Variants in ACTR8 observed in about 807,000 individuals in gnomAD.
ACTR8 encodes actin-related protein 8.
ACTR8 carries 70 observed loss-of-function variants against 84.3 expected under a neutral mutation model. The observed-to-expected ratio is 0.83, with a 90% CI of 0.68 to 1.01. The LOEUF is 1.01. Ranked by LOEUF, ACTR8 falls within the 50% of genes least tolerant of loss-of-function variation. The pLI is 0.00. For synonymous variants in ACTR8, 268 were observed against 275.2 expected, an observed-to-expected ratio of 0.97 and a Z score of 0.26; for missense variants, 672 against 775.4, an observed-to-expected ratio of 0.87 and a Z score of 1.58.
intron 5 of ACTR8, 114 bp downstream of exon 5, chr3:53,877,100 T>C (rs745959407): frequency 4.9e-5 from 51 of 1,044,062 alleles, no homozygotes; most frequent in Non-Finnish European, 6.0e-5. Context: ...ATCCTCACCC[T>C]GAAGGTCAAG....
chr3:53,879,806 A>G (rs1303563395), intron 2 of ACTR8, 133 bp downstream of exon 2: 1 of 935,896 alleles, frequency 1.1e-6, no homozygotes, highest in African/African-American at 1.6e-5. Context: ...CTGATGAAAA[A>G]TTAGTGACAT....
intron 6 of ACTR8, 98 bp from the exon 7 acceptor site, chr3:53,876,178 T>A: frequency 7.0e-7 from 1 of 1,433,344 alleles, no homozygotes; most frequent in Non-Finnish European, 9.5e-7. Flanking sequence ...TAGGGACCTC[T>A]GGGCAGGGCA....
the ACTR8 span, chr3:53,861,721 G>T: frequency 6.6e-6 from 1 of 152,188 alleles, no homozygotes; most frequent in Admixed American, 6.5e-5. Context: ...GATAACAGGA[G>T]AAGCAGCTTC....
At chr3:53,876,821 C>T (rs1699981119) in intron 5 of ACTR8, 108 bp from the exon 6 acceptor site, 2 of 584,734 alleles carry the variant, frequency 3.4e-6, no homozygotes, top group Non-Finnish European at 6.0e-6. Flanking sequence ...GCTACGGTTA[C>T]ACACCCAGAT....
chr3:53,865,495 T>C, downstream of ACTR8: 1 of 544,468 alleles, frequency 1.8e-6, no homozygotes, highest in Non-Finnish European at 3.2e-6. Flanking sequence ...GGAAACTACA[T>C]TTACAACTTC....
chr3:53,860,306 G>A, the ACTR8 span: 4 of 1,188,144 alleles, frequency 3.4e-6, no homozygotes, highest in Non-Finnish European at 3.7e-6. Context: ...GATTCCTCTG[G>A]AGGCAATCAC....
chr3:53,877,207 A>G lies in ACTR8; in HGVS notation c.684+7T>C, dbSNP rs1699988845. The G allele has an allele frequency of 1.9e-6, 3 of 1,588,020 alleles. No individual in the cohort carries two copies. Among genetic ancestry groups the G allele is most frequent in the Admixed American group, 1.9e-5 (1 of 54,004 alleles). Reference sequence around the variant, plus strand: ...AACAATCCAAATAACTGAGGATTTTAGCTCACCTTTAAATCTTTCAGTGGG... The same window carrying G: ...AACAATCCAAATAACTGAGGATTTTGGCTCACCTTTAAATCTTTCAGTGGG... On this transcript the variant is annotated splice_region_variant and intron_variant, in intron 5 of 12. Transcript: ENST00000335754.
Position 53,870,121 on chromosome 3 carries a change from A to G in ACTR8, c.1592T>C (p.Met531Thr), listed in dbSNP as rs1699861163. The G allele has an allele frequency of 3.1e-6, 5 of 1,613,422 alleles. No individual in the cohort carries two copies. Among genetic ancestry groups the G allele is most frequent in the Non-Finnish European group, 4.2e-6 (5 of 1,179,426 alleles). The change falls in exon 12 of 13, where the codon ATG (methionine) becomes ACG (threonine). Residue 531 changes from methionine to threonine, a missense_variant. Transcript: ENST00000335754. This position sits in a 1 kb window ranked among gnomAD's most constrained non-coding sequence, Gnocchi z 4.1. ...CCSSDDTKKK[M>T]YSSILVVGGG... Reference sequence around the variant, plus strand: ...TCCCACCACTAGGATGGAGCTGTACATCTTCTTTTTGGTGTCGTCAGATGC... The same window carrying G: ...TCCCACCACTAGGATGGAGCTGTACGTCTTCTTTTTGGTGTCGTCAGATGC...
downstream of ACTR8, chr3:53,865,250 AGCAGGTGT>A: frequency 1.2e-6 from 2 of 1,612,052 alleles, no homozygotes; most frequent in Non-Finnish European, 1.7e-6. Flanking sequence ...CATGTCAAGC[AGCAGGTGT>A]CAGCAGGAAA....
intron 1 of ACTR8, among the ~76,000 whole-genome samples, chr3:53,880,904 G>C (rs1285608666): frequency 3.3e-5 from 5 of 152,198 alleles, no homozygotes; most frequent in African/African-American, 1.2e-4. Flanking sequence ...GTACTTGCTT[G>C]AGTGCCCAAT....
chr3:53,873,538 T>C (rs1408772678), intron 8 of ACTR8, among the ~76,000 whole-genome samples: 2 of 152,240 alleles, frequency 1.3e-5, no homozygotes, highest in Non-Finnish European at 2.9e-5. Flanking sequence ...ATTGATTGTT[T>C]GCAATATTAA....
chr3:53,859,782 A>G, the ACTR8 span: 120 of 168,916 alleles, frequency 7.1e-4, no homozygotes, highest in African/African-American at 2.8e-3. Context: ...AGACCTGCAC[A>G]CTCTAGGGAA....
Position 53,881,896 on chromosome 3 carries a change from AGCCTCCCGCC to A in ACTR8, c.123+73_123+82del, listed in dbSNP as rs1445498900. 8.4e-6 allele frequency: 13 copies of A among 1,540,314 alleles called. No homozygotes were observed. The African/African-American group carries it at 1.1e-4, about 13-fold the overall frequency. ...GCTGGGGCCTGCAAGGGGGACTCGA[AGCCTCCCGCC>A]GCCTCCCGCCCCTTGCCTGGCAGCG... On this transcript the variant is annotated intron_variant, in intron 1 of 12. Coordinates refer to ENST00000335754, the MANE Select transcript of ACTR8 (RefSeq NM_022899.5).
intron 3 of ACTR8, among the ~76,000 whole-genome samples, chr3:53,877,989 A>T (rs899681982): frequency 5.3e-5 from 8 of 152,222 alleles, no homozygotes; most frequent in Non-Finnish European, 1.2e-4. Context: ...AATTAACACT[A>T]AACGCTGCTT....
the ACTR8 span, chr3:53,861,611 T>TA: frequency 6.6e-6 from 1 of 152,176 alleles, no homozygotes; most frequent in Non-Finnish European, 1.5e-5. Flanking sequence ...TATGACAACT[T>TA]AAAGCAAAAG....
chr3:53,862,082 A>G (rs144326412), downstream of ACTR8, among the ~76,000 whole-genome samples: 32 of 152,288 alleles, frequency 2.1e-4, no homozygotes, highest in East Asian at 6.0e-3. Flanking sequence ...ACTTTTCTGG[A>G]TTGGTTCCAC....
chr3:53,870,949 G>A lies in ACTR8; in HGVS notation c.1567+283C>T, dbSNP rs1228181831. On this transcript the variant is annotated intron_variant, in intron 11 of 12. Coordinates refer to ENST00000335754, the MANE Select transcript of ACTR8 (RefSeq NM_022899.5). The surrounding 1 kb of genome is among the most constrained non-coding windows in gnomAD (Gnocchi z 4.1). Reference sequence around the variant, plus strand: ...AAATGTGAAAGTACCACTGGCAGGTGCTACAAAGTTTATCTAAAGGGTACT... The same window carrying A: ...AAATGTGAAAGTACCACTGGCAGGTACTACAAAGTTTATCTAAAGGGTACT... Among the ~76,000 whole-genome samples, 1 of 152,196 alleles carries A rather than the reference G, an allele frequency of 6.6e-6. No individual in the cohort carries two copies. Among genetic ancestry groups the A allele is most frequent in the Non-Finnish European group, 1.5e-5 (1 of 68,026 alleles).
At chr3:53,878,309 G>T in intron 3 of ACTR8, 48 bp downstream of exon 3, 2 of 1,306,328 alleles carry the variant, frequency 1.5e-6, no homozygotes, top group South Asian at 1.2e-5. Context: ...ATGGTATTAT[G>T]ATACCAATAG....
chr3:53,869,967 A>G lies in ACTR8; in HGVS notation c.1731+15T>C. ...CATTTGCATACAGTCCAACTTGCAC[A>G]ATGAAACAACCTACCTTAGGCCTTG... On this transcript the variant is annotated intron_variant, in intron 12 of 12. Coordinates refer to ENST00000335754, the MANE Select transcript of ACTR8 (RefSeq NM_022899.5). The G allele has an allele frequency of 6.2e-7, 1 of 1,613,444 alleles. No individual in the cohort carries two copies. Among genetic ancestry groups the G allele is most frequent in the East Asian group, 2.2e-5 (1 of 44,866 alleles).
Sources: gnomAD v4.1 joint callset for allele counts (sites outside exome capture counted in the v4.1 genomes callset) on GRCh38, gnomAD v4.1.1 for gene constraint, Gnocchi (gnomAD v3.1) non-coding constraint, MANE v1.5 for transcripts, NCBI Gene and HGNC (gene_info 2026-07-23, HGNC 2026-07-21) for gene names.